The following NKAIN3 variants were observed in gnomAD, a reference collection of about 807,000 sequenced individuals.
NKAIN3 encodes sodium/potassium-transporting ATPase subunit beta-1-interacting protein 3.
In NKAIN3, 25 loss-of-function variants were observed where a neutral mutation model predicts 30.2. That is an observed-to-expected ratio of 0.83 (90% CI 0.60 to 1.16). The LOEUF (loss-of-function observed/expected upper bound fraction) is 1.16, where lower values mean the gene tolerates loss of function less well. NKAIN3 is among the 50% of genes most tolerant of loss of function. The pLI is 0.00. For missense variants in NKAIN3, 225 were observed against 254.1 expected (o/e 0.89, Z 0.78); for synonymous variants, 91 against 89.6 (o/e 1.02, Z -0.09).
At position 62,524,484 on chromosome 8, in the gene NKAIN3, G is replaced by C. The variant is rs546774472; in HGVS notation, c.55-55055G>C. Among the ~76,000 whole-genome samples the C allele has an allele frequency of 2.0e-4, 31 of 152,228 alleles. No homozygotes were observed. The South Asian group carries it at 6.0e-3, about 30-fold the overall frequency. On this transcript the variant is annotated intron_variant, in intron 1 of 6. Coordinates refer to ENST00000623646, the MANE Select transcript of NKAIN3 (RefSeq NM_001304533.3). The stretch of plus-strand genomic sequence containing the variant: ...CAGACCCTGAAGGAACACATTGGCA[G>C]TAATAACTAATTCTGTCTGCTGATG...
At chr8:62,526,998 C>T (rs1171118914) in intron 1 of NKAIN3, among the ~76,000 whole-genome samples, 1 of 152,136 alleles carries the variant, frequency 6.6e-6, no homozygotes, top group African/African-American at 2.4e-5. Flanking sequence ...TTGCTCCATC[C>T]CACCATAGCT....
intron 3 of NKAIN3, among the ~76,000 whole-genome samples, chr8:62,691,426 C>T (rs1186919228): frequency 1.3e-5 from 2 of 152,026 alleles, no homozygotes; most frequent in Non-Finnish European, 2.9e-5. Flanking sequence ...GGGTGGCTGC[C>T]ATCTGGGTGG....
chr8:62,571,879 G>C (rs1261609744), intron 1 of NKAIN3, among the ~76,000 whole-genome samples: 1 of 152,074 alleles, frequency 6.6e-6, no homozygotes, highest in Non-Finnish European at 1.5e-5. Context: ...TAGGAACCCT[G>C]GGCCGGCCCA....
chr8:62,908,053 A>C (rs1821832181), intron 4 of NKAIN3, among the ~76,000 whole-genome samples: 1 of 152,206 alleles, frequency 6.6e-6, no homozygotes, highest in Admixed American at 6.5e-5. Context: ...GATACCCTGC[A>C]AAGCCACAGC....
intron 3 of NKAIN3, among the ~76,000 whole-genome samples, chr8:62,607,597 G>T (rs1482873210): frequency 1.3e-5 from 2 of 152,114 alleles, no homozygotes; most frequent in Non-Finnish European, 2.9e-5. Flanking sequence ...TACTTCATAA[G>T]AAAATGATTA....
intron 4 of NKAIN3, among the ~76,000 whole-genome samples, chr8:62,900,207 G>C (rs1053192661): frequency 6.8e-6 from 1 of 146,900 alleles, no homozygotes; most frequent in African/African-American, 2.6e-5. Context: ...GCATCCTGGA[G>C]CTATGTTGTT....
intron 1 of NKAIN3, among the ~76,000 whole-genome samples, chr8:62,502,949 A>C (rs7460329): frequency 0.74 from 112,904 of 152,034 alleles, 42,087 homozygotes; most frequent in South Asian, 0.81. Flanking sequence ...TGAAAACTGC[A>C]AAACAGGTCC....
intron 1 of NKAIN3, among the ~76,000 whole-genome samples, chr8:62,563,732 T>C (rs367615110): frequency 2.0e-5 from 3 of 152,132 alleles, no homozygotes; most frequent in African/African-American, 7.2e-5. Flanking sequence ...CCAAAAGTTA[T>C]TTTTAGCAGG....
intron 5 of NKAIN3, among the ~76,000 whole-genome samples, chr8:62,945,469 C>T (rs1395854326): frequency 2.6e-5 from 4 of 152,192 alleles, no homozygotes; most frequent in Admixed American, 1.3e-4. Flanking sequence ...TTTGGTGACC[C>T]GCAGGCTTGT....
At chr8:62,739,279 T>C (rs1437408366) in intron 3 of NKAIN3, among the ~76,000 whole-genome samples, 1 of 151,792 alleles carries the variant, frequency 6.6e-6, no homozygotes, top group Admixed American at 6.6e-5. Context: ...AAAAAAAAAA[T>C]ATATATATAC....
chr8:62,646,517 A>G (rs144757289), intron 3 of NKAIN3, among the ~76,000 whole-genome samples: 4 of 152,296 alleles, frequency 2.6e-5, no homozygotes, highest in African/African-American at 9.6e-5. Flanking sequence ...TTCTGAACAT[A>G]AAACTCAAAT....
At position 62,972,599 on chromosome 8, in the gene NKAIN3, C is replaced by T. The variant is rs984970614; in HGVS notation, c.*7192C>T. On this transcript the variant is annotated 3_prime_UTR_variant, in exon 7 of 7. Coordinates refer to ENST00000623646, the MANE Select transcript of NKAIN3 (RefSeq NM_001304533.3). ...GTGAAGGCAGATTATACACATGAGA[C>T]AGTGGTGAATAAATCCACCCCAAAA... Among the ~76,000 whole-genome samples, 2 of 152,124 alleles carry T rather than the reference C, an allele frequency of 1.3e-5. No individual in the cohort carries two copies. Among genetic ancestry groups the T allele is most frequent in the African/African-American group, 4.8e-5 (2 of 41,422 alleles).
intron 4 of NKAIN3, among the ~76,000 whole-genome samples, chr8:62,848,351 A>G (rs1209926643): frequency 2.0e-5 from 3 of 151,858 alleles, no homozygotes; most frequent in South Asian, 2.1e-4. Context: ...TTTCTTTTCA[A>G]TGGTTTGTAG....
chr8:62,580,245 A>G (rs1278254694), intron 2 of NKAIN3, among the ~76,000 whole-genome samples: 1 of 152,204 alleles, frequency 6.6e-6, no homozygotes, highest in Non-Finnish European at 1.5e-5. Flanking sequence ...TGAAACATAT[A>G]TCCAAAACTT....
intron 4 of NKAIN3, among the ~76,000 whole-genome samples, chr8:62,750,795 G>T (rs1266980108): frequency 6.6e-6 from 1 of 152,142 alleles, no homozygotes; most frequent in Non-Finnish European, 1.5e-5. Flanking sequence ...GCAGCAAAAT[G>T]CAATCCATGC....
At chr8:62,434,915 C>T (rs553898232) in intron 1 of NKAIN3, among the ~76,000 whole-genome samples, 1 of 152,198 alleles carries the variant, frequency 6.6e-6, no homozygotes, top group African/African-American at 2.4e-5. Context: ...TTTTGCAGAA[C>T]ATCTATTATG....
rs1823902489 is a variant in NKAIN3 at position 62,974,457 on chromosome 8, C to T, written c.*9050C>T. 1.3e-5 allele frequency among the ~76,000 whole-genome samples: 2 copies of T among 152,094 alleles called. No homozygotes were observed. The highest frequency in any genetic ancestry group is 6.6e-5 in the Admixed American group (1 of 15,260). On this transcript the variant is annotated 3_prime_UTR_variant, in exon 7 of 7. Coordinates refer to ENST00000623646, the MANE Select transcript of NKAIN3 (RefSeq NM_001304533.3). ...GGGAGTTTGTTCATGATTTGGCTCT[C>T]TGTTTGTCTATTATTGGTGTATAGG...
chr8:62,304,785 C>G (rs2129588228), intron 1 of NKAIN3, among the ~76,000 whole-genome samples: 1 of 150,502 alleles, frequency 6.6e-6, no homozygotes, highest in Non-Finnish European at 1.5e-5. Flanking sequence ...TGACAGCATC[C>G]TGCTGTGGTT....
chr8:62,419,100 G>T (rs1306816878), intron 1 of NKAIN3, among the ~76,000 whole-genome samples: 1 of 152,146 alleles, frequency 6.6e-6, no homozygotes, highest in Non-Finnish European at 1.5e-5. Flanking sequence ...TCTAACTAAA[G>T]GGACGTAGGA....
Sources: allele counts gnomAD v4.1 joint callset (sites outside exome capture counted in the v4.1 genomes callset), GRCh38; gene constraint gnomAD v4.1.1; transcripts MANE v1.5; gene names NCBI Gene and HGNC (gene_info 2026-07-23, HGNC 2026-07-21).